DOK6: variants seen among roughly 807,000 people sequenced by gnomAD.
DOK6 encodes downstream of tyrosine kinase 6.
Under a neutral mutation model 44.0 loss-of-function variants are expected in DOK6, and 22 were observed. That is an observed-to-expected ratio of 0.50 (90% CI 0.36 to 0.71). The LOEUF (loss-of-function observed/expected upper bound fraction) is 0.71. Among genes scored for constraint, DOK6 ranks in the 30% least tolerant of loss-of-function variants. The pLI is 0.00. For synonymous variants in DOK6, 166 were observed against 145.5 expected (o/e 1.14, Z -1.01); for missense variants, 340 against 416.4 (o/e 0.82, Z 1.60).
chr18:69,508,169 C>G (rs926856391), intron 1 of DOK6, among the ~76,000 whole-genome samples: 1 of 151,984 alleles, frequency 6.6e-6, no homozygotes, highest in Non-Finnish European at 1.5e-5. Context: ...AATTGCATAG[C>G]CTTCAATGTT....
chr18:69,771,111 T>G (rs1979875569), intron 7 of DOK6, among the ~76,000 whole-genome samples: 1 of 152,052 alleles, frequency 6.6e-6, no homozygotes, highest in Admixed American at 6.6e-5. Context: ...AATAGTCAAA[T>G]TTATAAATTG....
chr18:69,592,141 A>G (rs1240099840), intron 2 of DOK6, among the ~76,000 whole-genome samples: 1 of 151,958 alleles, frequency 6.6e-6, no homozygotes, highest in African/African-American at 2.4e-5. Flanking sequence ...ATAAGTTCTA[A>G]TATCTCTTAT....
At chr18:69,676,226 T>C (rs949631293) in intron 3 of DOK6, among the ~76,000 whole-genome samples, 2 of 152,210 alleles carry the variant, frequency 1.3e-5, no homozygotes. Flanking sequence ...ATTGGAACTA[T>C]TATTTTTATT....
chr18:69,738,398 A>G (rs11151529), intron 5 of DOK6, among the ~76,000 whole-genome samples: 81,236 of 151,906 alleles, frequency 0.53, 24,717 homozygotes, highest in East Asian at 0.69. Flanking sequence ...TTTCCATTTT[A>G]GAGTTAGCCT....
intron 3 of DOK6, among the ~76,000 whole-genome samples, chr18:69,676,031 T>C (rs1347501134): frequency 2.0e-5 from 3 of 152,194 alleles, no homozygotes; most frequent in Admixed American, 6.5e-5. Context: ...TCTGGGTTCC[T>C]AAGGAAATGC....
chr18:69,589,766 CAGTT>C (rs1233517360), intron 2 of DOK6, among the ~76,000 whole-genome samples: 1 of 151,970 alleles, frequency 6.6e-6, no homozygotes, highest in African/African-American at 2.4e-5. Flanking sequence ...TTAAAATGCA[CAGTT>C]AAATATAAAT....
intron 3 of DOK6, among the ~76,000 whole-genome samples, chr18:69,602,795 A>G (rs906063404): frequency 6.6e-6 from 1 of 152,230 alleles, no homozygotes; most frequent in Non-Finnish European, 1.5e-5. Flanking sequence ...AGACTCAAGT[A>G]TAATAGAAAT....
chr18:69,682,982 A>T (rs1986075838), intron 4 of DOK6, among the ~76,000 whole-genome samples: 1 of 152,238 alleles, frequency 6.6e-6, no homozygotes, highest in African/African-American at 2.4e-5. Context: ...AGTTAATGAC[A>T]AAACAACGGC....
At chr18:69,634,206 A>G (rs1189637117) in intron 3 of DOK6, among the ~76,000 whole-genome samples, 2 of 152,182 alleles carry the variant, frequency 1.3e-5, no homozygotes, top group African/African-American at 4.8e-5. Flanking sequence ...TGAGTAAGCC[A>G]GTTAGATACC....
intron 6 of DOK6, among the ~76,000 whole-genome samples, chr18:69,753,181 C>T (rs188317595): frequency 7.9e-5 from 12 of 152,236 alleles, no homozygotes; most frequent in African/African-American, 2.2e-4. Flanking sequence ...ATATCATCTA[C>T]GAATCTCAAA....
rs538618580 is a variant in DOK6, at chr18:69,658,555, G to A, written c.290-19179G>A. 6.1e-4 allele frequency among the ~76,000 whole-genome samples: 93 copies of A among 152,200 alleles called. 1 individual carries two copies. The highest frequency in any genetic ancestry group is 3.4e-3 in the Middle Eastern group (1 of 294). On this transcript the variant is annotated intron_variant, in intron 3 of 7. Coordinates refer to ENST00000382713, the MANE Select transcript of DOK6 (RefSeq NM_152721.6). ...CTTATTCCATTTGAAAGCAGCATGG[G>A]AAAGACATGAAAGCCAAGAACAGGC... is the stretch of plus-strand genomic sequence containing the variant.
chr18:69,517,840 CT>C, intron 1 of DOK6, among the ~76,000 whole-genome samples: 1 of 151,660 alleles, frequency 6.6e-6, no homozygotes, highest in East Asian at 1.9e-4. Flanking sequence ...TTATATGGAA[CT>C]GGACTGTCCT....
chr18:69,755,850 G>A (rs893604621), intron 6 of DOK6, among the ~76,000 whole-genome samples: 20 of 152,156 alleles, frequency 1.3e-4, no homozygotes, highest in Non-Finnish European at 1.5e-5. Flanking sequence ...CACATTGAAG[G>A]GTGAGGAAAG....
chr18:69,760,326 CT>C (rs1232003271), intron 7 of DOK6, among the ~76,000 whole-genome samples: 1 of 152,142 alleles, frequency 6.6e-6, no homozygotes, highest in East Asian at 1.9e-4. Flanking sequence ...TTTCACAAAA[CT>C]ACATTTAGAA....
chr18:69,827,419 T>G (rs769535210), intron 7 of DOK6, among the ~76,000 whole-genome samples: 2 of 152,086 alleles, frequency 1.3e-5, no homozygotes, highest in Non-Finnish European at 2.9e-5. Context: ...TTGTTCCTGA[T>G]GATCAGAATG....
chr18:69,570,071 G>C (rs551347041), intron 2 of DOK6, among the ~76,000 whole-genome samples: 27 of 150,344 alleles, frequency 1.8e-4, no homozygotes, highest in Non-Finnish European at 3.4e-4. Flanking sequence ...GGAGGTTTCA[G>C]GAAAAAAAAA....
intron 1 of DOK6, among the ~76,000 whole-genome samples, chr18:69,404,957 G>T (rs1158619402): frequency 2.0e-5 from 3 of 152,164 alleles, no homozygotes; most frequent in African/African-American, 7.2e-5. Flanking sequence ...CTGCATCATT[G>T]CTACTGAGAG....
At chr18:69,419,910 A>C (rs1444573727) in intron 1 of DOK6, among the ~76,000 whole-genome samples, 4 of 152,166 alleles carry the variant, frequency 2.6e-5, no homozygotes, top group Non-Finnish European at 5.9e-5. Context: ...GCACTTTGTA[A>C]TATCCACCTT....
chr18:69,681,607 C>A (rs986936871), intron 4 of DOK6, among the ~76,000 whole-genome samples: 1 of 152,150 alleles, frequency 6.6e-6, no homozygotes, highest in Non-Finnish European at 1.5e-5. Flanking sequence ...GACACTGCCA[C>A]AGGAAAGTGC....
Sources: allele counts gnomAD v4.1 joint callset (sites outside exome capture counted in the v4.1 genomes callset), GRCh38; gene constraint gnomAD v4.1.1; transcripts MANE v1.5; gene names NCBI Gene and HGNC (gene_info 2026-07-23, HGNC 2026-07-21).